The following C5 variants were observed in gnomAD, a reference collection of about 807,000 sequenced individuals.
C5 encodes complement C5.
A neutral mutation model predicts 218.8 loss-of-function variants in C5; 140 were observed. The observed-to-expected ratio is 0.64, with a 90% CI of 0.56 to 0.74. C5 has a LOEUF of 0.74. Ranked by LOEUF, C5 falls within the 30% of genes least tolerant of loss-of-function variation. C5 has a pLI of 0.00. For missense variants in C5, 1,700 were observed against 1,969.6 expected, an observed-to-expected ratio of 0.86 and a Z score of 2.59; for synonymous variants, 614 against 682.3, an observed-to-expected ratio of 0.90 and a Z score of 1.56.
At chr9:121,017,612 A>C in intron 13 of C5, 31 bp downstream of exon 13, 3 of 1,605,368 alleles carry the variant, frequency 1.9e-6, no homozygotes, top group Non-Finnish European at 2.6e-6. Context: ...TGAAAAGAAA[A>C]TTCAATTGTG....
chr9:120,981,811 G>T, intron 27 of C5, 33 bp downstream of exon 27: 1 of 1,411,474 alleles, frequency 7.1e-7, no homozygotes, highest in Non-Finnish European at 1.0e-6. Context: ...AGAAATAGAT[G>T]ATGGGTGTGA....
intron 31 of C5, among the ~76,000 whole-genome samples, chr9:120,970,495 T>C (rs1378431693): frequency 6.6e-6 from 1 of 152,174 alleles, no homozygotes; most frequent in African/African-American, 2.4e-5. Context: ...TTGGTCTAAA[T>C]TCCATGCAGT....
chr9:120,958,899 C>T (rs571152237), intron 38 of C5, among the ~76,000 whole-genome samples: 91 of 152,256 alleles, frequency 6.0e-4, no homozygotes, highest in Non-Finnish European at 1.1e-3. Flanking sequence ...GATCCTCCTA[C>T]CTCAGCTTCC....
At chr9:121,049,271 C>A (rs2047653803) in intron 1 of C5, among the ~76,000 whole-genome samples, 1 of 152,130 alleles carries the variant, frequency 6.6e-6, no homozygotes, top group Non-Finnish European at 1.5e-5. Flanking sequence ...GAACCCAGGT[C>A]CTAGCCCTAG....
chr9:121,049,686 T>A (rs2047656953), intron 1 of C5, among the ~76,000 whole-genome samples: 1 of 152,178 alleles, frequency 6.6e-6, no homozygotes, highest in African/African-American at 2.4e-5. Flanking sequence ...TCATTATTTT[T>A]AAAACATTAC....
chr9:121,007,678 AG>A (rs2047226983), intron 18 of C5, among the ~76,000 whole-genome samples: 1 of 152,232 alleles, frequency 6.6e-6, no homozygotes, highest in Non-Finnish European at 1.5e-5. Context: ...AAGACAGGAA[AG>A]TAAACAAGTC....
chr9:121,002,345 C>G (rs12347116), intron 20 of C5, among the ~76,000 whole-genome samples: 1 of 96,736 alleles, frequency 1.0e-5, no homozygotes, highest in Admixed American at 1.2e-4. Context: ...TATATATACA[C>G]ACATACCTAC....
rs1278316269 is a variant in C5, at chr9:120,997,528, T to C, written c.2790+19A>G. Reference sequence around the variant, plus strand: ...TTGCAATAATTTAAGCATAAGTTATTGAAGCATGTTTTTCTTACCACCACT... The same window carrying C: ...TTGCAATAATTTAAGCATAAGTTATCGAAGCATGTTTTTCTTACCACCACT... On this transcript the variant is annotated intron_variant, in intron 21 of 40. Transcript: ENST00000223642. 3.3e-6 allele frequency: 5 copies of C among 1,530,496 alleles called. No individual in the cohort carries two copies. The highest frequency in any genetic ancestry group is 1.1e-5 in the South Asian group (1 of 89,202). The allele number at this position is 1,530,496 out of a possible 1,614,324, so 94.8% of individuals were successfully genotyped here. A position where few individuals can be genotyped will look rare whatever the true frequency, so the allele number is the denominator to read the frequency against.
rs1276422083 is a variant in C5, at chr9:121,002,138, A to G, written c.2562+3781T>C. Reference sequence around the variant, plus strand: ...AGGCAGTGTGTGTATATATATATATATGTATGTATATATGTATAGATATGT... The same window carrying G: ...AGGCAGTGTGTGTATATATATATATGTGTATGTATATATGTATAGATATGT... On this transcript the variant is annotated intron_variant, in intron 20 of 40. Transcript: ENST00000223642. Among the ~76,000 whole-genome samples the G allele has an allele frequency of 2.0e-5, 3 of 148,148 alleles. 1 individual carries two copies. In the East Asian group the frequency reaches 5.8e-4, roughly 29 times the overall value.
chr9:120,989,657 A>G lies in C5; in HGVS notation c.3065T>C (p.Phe1022Ser). The G allele has an allele frequency of 2.5e-6, 4 of 1,613,874 alleles. No individual in the cohort carries two copies. The highest frequency in any genetic ancestry group is 3.4e-6 in the Non-Finnish European group (4 of 1,179,790). ...LMSVVPVFYVFHYLETGNHWN... is the reference protein window; with the variant it reads ...LMSVVPVFYVSHYLETGNHWN... ...ATGATTTCCTGTTTCCAGGTAGTGA[A>G]AAACATAGAATACTGGGACAACGCT... The change falls in exon 24 of 41, where the codon TTT becomes TCT. Residue 1022 changes from phenylalanine to serine, a missense_variant. Phe to Ser is a radical substitution (Grantham distance 155). Coordinates refer to ENST00000223642, the MANE Select transcript of C5 (RefSeq NM_001735.3).
At chr9:121,038,591 C>G (rs2131810876) in intron 3 of C5, among the ~76,000 whole-genome samples, 1 of 152,286 alleles carries the variant, frequency 6.6e-6, no homozygotes, top group Middle Eastern at 3.4e-3. Flanking sequence ...TAGATCCCTA[C>G]TTTTTAAACA....
chr9:121,039,029 G>C (rs2047554383), intron 3 of C5, among the ~76,000 whole-genome samples: 1 of 152,098 alleles, frequency 6.6e-6, no homozygotes, highest in African/African-American at 2.4e-5. Context: ...TAAACACTTT[G>C]GTTTCACTCC....
chr9:120,978,284 G>T (rs926256355), intron 28 of C5, among the ~76,000 whole-genome samples: 5 of 152,092 alleles, frequency 3.3e-5, no homozygotes, highest in Admixed American at 2.0e-4. Flanking sequence ...CATATTTGAA[G>T]GTTAGTAAAA....
At chr9:121,074,501 C>T in the C5 span, among the ~76,000 whole-genome samples, 8 of 152,198 alleles carry the variant, frequency 5.3e-5, no homozygotes, top group Admixed American at 2.0e-4. Flanking sequence ...GGAGGGAATT[C>T]GCTTTAGATA....
At chr9:121,009,021 T>C (rs947717443) in intron 17 of C5, among the ~76,000 whole-genome samples, 4 of 152,210 alleles carry the variant, frequency 2.6e-5, no homozygotes, top group Non-Finnish European at 4.4e-5. Context: ...ATATCTTTAA[T>C]GATTTTTTTC....
chr9:121,032,091 AC>A (rs1461342506), intron 6 of C5, 21 bp downstream of exon 6: 2 of 1,477,460 alleles, frequency 1.4e-6, no homozygotes, highest in Admixed American at 3.3e-5. Context: ...GCAAAGAAAA[AC>A]TTTTACTTGT....
At chr9:120,962,621 A>G (rs756395867) in intron 36 of C5, 50 bp downstream of exon 36, 42 of 1,334,410 alleles carry the variant, frequency 3.1e-5, no homozygotes, top group African/African-American at 5.8e-5. Flanking sequence ...AATGTTCTGG[A>G]AAGAATACAA....
At chr9:120,970,572 T>C (rs1312068346) in intron 31 of C5, among the ~76,000 whole-genome samples, 1 of 152,180 alleles carries the variant, frequency 6.6e-6, no homozygotes, top group Non-Finnish European at 1.5e-5. Flanking sequence ...TCCACTTTAA[T>C]TTTACACACA....
the C5 span, among the ~76,000 whole-genome samples, chr9:121,067,026 G>A: frequency 6.6e-6 from 1 of 152,086 alleles, no homozygotes; most frequent in Non-Finnish European, 1.5e-5. Context: ...AATACTTTGG[G>A]AGGCTGAGGT....
Sources: allele counts gnomAD v4.1 joint callset (sites outside exome capture counted in the v4.1 genomes callset), GRCh38; gene constraint gnomAD v4.1.1; transcripts MANE v1.5; gene names NCBI Gene and HGNC (gene_info 2026-07-23, HGNC 2026-07-21).